KCNIP1: variants seen among roughly 807,000 people sequenced by gnomAD.
KCNIP1 encodes potassium voltage-gated channel interacting protein 1.
A neutral mutation model predicts 33.0 loss-of-function variants in KCNIP1; 18 were observed. The observed-to-expected ratio is 0.55, with a 90% CI of 0.38 to 0.81. The LOEUF (loss-of-function observed/expected upper bound fraction) is 0.81. Among genes scored for constraint, KCNIP1 ranks in the 30% least tolerant of loss-of-function variants. The pLI is 0.00. For synonymous variants in KCNIP1, 93 were observed against 98.3 expected (o/e 0.95, Z 0.32); for missense variants, 238 against 271.6 (o/e 0.88, Z 0.87).
chr5:170,374,564 C>G (rs1319681745), intron 1 of KCNIP1: 1 of 152,180 alleles, frequency 6.6e-6, no homozygotes, highest in African/African-American at 2.4e-5. Context: ...ACCGCTTTGT[C>G]TGAGTTCTGG....
intron 1 of KCNIP1, among the ~76,000 whole-genome samples, chr5:170,697,317 C>G (rs1762930733): frequency 6.6e-6 from 1 of 152,192 alleles, no homozygotes; most frequent in African/African-American, 2.4e-5. Flanking sequence ...CCCTCATGCA[C>G]CAAATCATAA....
At chr5:170,384,765 A>C (rs1236506113) in intron 1 of KCNIP1, among the ~76,000 whole-genome samples, 3 of 152,236 alleles carry the variant, frequency 2.0e-5, no homozygotes, top group Admixed American at 2.0e-4. Flanking sequence ...GTCATGGAGC[A>C]AGGGCATGGA....
chr5:170,511,956 T>C lies in KCNIP1; in HGVS notation c.61+7323T>C, dbSNP rs369234068. On this transcript the variant is annotated intron_variant, in intron 1 of 7. Transcript: ENST00000328939. ...TCAAGGATAGACTGAAGCACCTCAT[T>C]AGCCACACGGAACAACTGAGCTACG... Among the ~76,000 whole-genome samples, 8 of 152,296 alleles carry C rather than the reference T, an allele frequency of 5.3e-5. No homozygotes were observed. In the South Asian group the frequency reaches 8.3e-4, roughly 16 times the overall value.
At chr5:170,494,761 C>T (rs1757277318) in intron 1 of KCNIP1, among the ~76,000 whole-genome samples, 1 of 152,186 alleles carries the variant, frequency 6.6e-6, no homozygotes, top group Admixed American at 6.5e-5. Flanking sequence ...GCTGTTTCCT[C>T]CCAGTTCTTT....
intron 1 of KCNIP1, among the ~76,000 whole-genome samples, chr5:170,569,773 G>T (rs568328555): frequency 5.9e-5 from 9 of 152,108 alleles, no homozygotes; most frequent in Non-Finnish European, 1.0e-4. Flanking sequence ...AGGTTGAAAG[G>T]TGTCTGGCAC....
intron 1 of KCNIP1, among the ~76,000 whole-genome samples, chr5:170,580,440 G>A (rs554767268): frequency 2.0e-5 from 3 of 152,162 alleles, no homozygotes; most frequent in Non-Finnish European, 4.4e-5. Flanking sequence ...TGAACCAGTT[G>A]AGGTTCCAAG....
intron 1 of KCNIP1, among the ~76,000 whole-genome samples, chr5:170,595,741 G>A (rs1336806470): frequency 3.3e-5 from 5 of 152,204 alleles, no homozygotes. Flanking sequence ...GATCTAAGAT[G>A]ATTTTGCCAA....
intron 1 of KCNIP1, among the ~76,000 whole-genome samples, chr5:170,625,172 C>T (rs1225331244): frequency 6.6e-6 from 1 of 152,164 alleles, no homozygotes; most frequent in Non-Finnish European, 1.5e-5. Flanking sequence ...CCCCTTAAAC[C>T]TGCTCACCTT....
intron 5 of KCNIP1, among the ~76,000 whole-genome samples, chr5:170,730,320 T>G (rs1358776964): frequency 6.6e-6 from 1 of 152,164 alleles, no homozygotes; most frequent in Non-Finnish European, 1.5e-5. Flanking sequence ...TTTTGTAATT[T>G]GCAAACTAGG....
chr5:170,710,104 G>A (rs1409996099), intron 1 of KCNIP1, among the ~76,000 whole-genome samples: 2 of 152,132 alleles, frequency 1.3e-5, no homozygotes, highest in Non-Finnish European at 2.9e-5. Flanking sequence ...CTGACCTCAA[G>A]TGATCCCCCG....
chr5:170,652,502 G>A (rs4868007), intron 1 of KCNIP1, among the ~76,000 whole-genome samples: 23 of 134,740 alleles, frequency 1.7e-4, no homozygotes, highest in South Asian at 5.0e-4. Context: ...AAAAAAAAAG[G>A]AAGGAAGGAA....
intron 1 of KCNIP1, among the ~76,000 whole-genome samples, chr5:170,699,243 G>A (rs760982363): frequency 3.9e-5 from 6 of 152,138 alleles, no homozygotes; most frequent in Non-Finnish European, 7.3e-5. Context: ...TATTATCTAA[G>A]AGAGAGATGA....
At chr5:170,472,403 T>G (rs1756752522) in intron 1 of KCNIP1, among the ~76,000 whole-genome samples, 1 of 152,358 alleles carries the variant, frequency 6.6e-6, no homozygotes, top group African/African-American at 2.4e-5. Flanking sequence ...GGGTCTCTGA[T>G]GATCACAGTA....
intron 2 of KCNIP1, among the ~76,000 whole-genome samples, chr5:170,719,732 C>T (rs74804810): frequency 1.3e-5 from 2 of 152,272 alleles, no homozygotes; most frequent in South Asian, 4.1e-4. Flanking sequence ...GCTGGGATGC[C>T]TCTTCCTTCC....
chr5:170,471,684 T>A (rs979809215), intron 1 of KCNIP1, among the ~76,000 whole-genome samples: 6 of 152,254 alleles, frequency 3.9e-5, no homozygotes, highest in Admixed American at 1.3e-4. Context: ...ACTGAACTGC[T>A]GCTCAGGGCT....
At chr5:170,367,996 TTAAA>T (rs1763740659) in intron 1 of KCNIP1, among the ~76,000 whole-genome samples, 1 of 152,216 alleles carries the variant, frequency 6.6e-6, no homozygotes, top group Non-Finnish European at 1.5e-5. Flanking sequence ...AAATTGTGTA[TTAAA>T]TAAATTTTGG....
At chr5:170,446,658 T>C (rs1029628715) in intron 1 of KCNIP1, among the ~76,000 whole-genome samples, 2 of 152,160 alleles carry the variant, frequency 1.3e-5, no homozygotes, top group Non-Finnish European at 2.9e-5. Flanking sequence ...TCCATCCTGA[T>C]CTGGAACTCC....
chr5:170,655,573 AT>A (rs566170220), intron 1 of KCNIP1, among the ~76,000 whole-genome samples: 97 of 152,296 alleles, frequency 6.4e-4, no homozygotes, highest in African/African-American at 2.3e-3. Context: ...GTTGCTAGGC[AT>A]TTGGAGTTTA....
In KCNIP1 at chr5:170,732,796, C is replaced by T. The variant is rs367557107; in HGVS notation, c.436-4C>T. 22 of 1,598,598 alleles carry T rather than the reference C, an allele frequency of 1.4e-5. No individual in the cohort carries two copies. The African/African-American group carries it at 2.9e-4, about 21-fold the overall frequency. ...CACTGTGTGCTTTTATGTCCCTGCTCCAGGAGATGATGGACATTGTCAAAG... is the reference window on the plus strand; with the variant it reads ...CACTGTGTGCTTTTATGTCCCTGCTTCAGGAGATGATGGACATTGTCAAAG... On this transcript the variant is annotated splice_polypyrimidine_tract_variant and splice_region_variant and intron_variant, in intron 5 of 7. Coordinates refer to ENST00000328939, the MANE Select transcript of KCNIP1 (RefSeq NM_014592.4).
Sources: allele counts gnomAD v4.1 joint callset (sites outside exome capture counted in the v4.1 genomes callset), GRCh38; gene constraint gnomAD v4.1.1; transcripts MANE v1.5; gene names NCBI Gene and HGNC (gene_info 2026-07-23, HGNC 2026-07-21).